SERPINB13: variants seen among roughly 807,000 people sequenced by gnomAD.
The protein encoded by SERPINB13 is serpin B13.
Under a neutral mutation model 31.2 loss-of-function variants are expected in SERPINB13, and 26 were observed. The observed-to-expected ratio is 0.83, with a 90% CI of 0.61 to 1.15. The LOEUF (loss-of-function observed/expected upper bound fraction) is 1.15, where lower values mean the gene tolerates loss of function less well. SERPINB13 is among the 50% of genes most tolerant of loss of function. The pLI is 0.00. For missense variants in SERPINB13, 510 were observed against 469.4 expected, an observed-to-expected ratio of 1.09 and a Z score of -0.80; for synonymous variants, 191 against 172.4, an observed-to-expected ratio of 1.11 and a Z score of -0.85.
chr18:63,594,115 G>T, intron 5 of SERPINB13: 1 of 1,415,534 alleles, frequency 7.1e-7, no homozygotes. Flanking sequence ...AGAGGCATCT[G>T]ACCCCAGAGT....
intron 7 of SERPINB13, among the ~76,000 whole-genome samples, chr18:63,595,506 A>G (rs546059997): frequency 6.6e-6 from 1 of 152,320 alleles, no homozygotes; most frequent in East Asian, 1.9e-4. Context: ...GCATATATAC[A>G]ACCAGTTCTG....
In SERPINB13 at chr18:63,597,132, C is replaced by A; in HGVS notation, c.945C>A (p.Asp315Glu). The change falls in exon 8 of 8, where the codon GAC (aspartate) becomes GAA (glutamate). Residue 315 changes from aspartate (D) to glutamate (E), a missense_variant. By Grantham distance (45) the Asp-to-Glu change is conservative. Coordinates refer to ENST00000344731, the MANE Select transcript of SERPINB13 (RefSeq NM_012397.4). ...ATGCCTTCAGTGAGCACAAAGCCGA[C>A]TACTCGGGAATGTCGTCAGGCTCCG... Reference protein sequence around the residue: ...MGDAFSEHKADYSGMSSGSGL... With the variant: ...MGDAFSEHKAEYSGMSSGSGL... The A allele has an allele frequency of 6.2e-7, 1 of 1,614,184 alleles. No homozygotes were observed. The highest frequency in any genetic ancestry group is 1.7e-5 in the Admixed American group (1 of 60,022).
chr18:63,596,089 GT>G (rs1408673186), intron 7 of SERPINB13, among the ~76,000 whole-genome samples: 2 of 152,058 alleles, frequency 1.3e-5, no homozygotes, highest in Non-Finnish European at 2.9e-5. Flanking sequence ...GGGCTCCATG[GT>G]GGTTAACGTG....
At position 63,599,010 on chromosome 18, in the gene SERPINB13, GC is replaced by G. The variant is rs886616368; in HGVS notation, c.*1648del. The G allele has an allele frequency of 6.6e-6, 1 of 152,092 alleles. No homozygotes were observed. The highest frequency in any genetic ancestry group is 2.4e-5 in the African/African-American group (1 of 41,436). The allele number at this position is 152,092 out of a possible 1,614,324, so 9.4% of individuals were successfully genotyped here. A position where few individuals can be genotyped will look rare whatever the true frequency, so the allele number is the denominator to read the frequency against. Reference sequence around the variant, plus strand: ...TTTCCATAATATCTAATTAGGTTGAGCTTTTTTTATGTGCTTATTGGCCATT... The same window carrying G: ...TTTCCATAATATCTAATTAGGTTGAGTTTTTTTATGTGCTTATTGGCCATT... On this transcript the variant is annotated 3_prime_UTR_variant, in exon 8 of 8. Coordinates refer to ENST00000344731, the MANE Select transcript of SERPINB13 (RefSeq NM_012397.4).
chr18:63,592,230 G>A (rs1911894688), intron 3 of SERPINB13, 118 bp from the exon 4 acceptor site: 1 of 1,120,018 alleles, frequency 8.9e-7, no homozygotes, highest in African/African-American at 1.6e-5. Flanking sequence ...TCAAACACAG[G>A]GATCACCCTT....
At chr18:63,592,256 A>G in intron 3 of SERPINB13, 92 bp from the exon 4 acceptor site, 1 of 1,420,280 alleles carries the variant, frequency 7.0e-7, no homozygotes, top group African/African-American at 1.4e-5. Flanking sequence ...TGACAAACGG[A>G]GGGAGAGACC....
At chr18:63,594,646 C>T in intron 6 of SERPINB13, 149 bp downstream of exon 6, 2 of 831,292 alleles carry the variant, frequency 2.4e-6, no homozygotes, top group Admixed American at 2.7e-5. Flanking sequence ...CGAGACTATC[C>T]TTGCCAACAT....
At chr18:63,588,973 C>G (rs751106217) in intron 2 of SERPINB13, 141 bp downstream of exon 2, 1 of 921,676 alleles carries the variant, frequency 1.1e-6, no homozygotes, top group Non-Finnish European at 1.6e-6. Context: ...AGACAAGGAG[C>G]AATTTCAGGT....
intron 3 of SERPINB13, among the ~76,000 whole-genome samples, chr18:63,591,366 G>A (rs1911839889): frequency 6.7e-6 from 1 of 149,084 alleles, no homozygotes; most frequent in African/African-American, 2.5e-5. Flanking sequence ...GATGGGGCCG[G>A]CCTTCCTTCC....
intron 3 of SERPINB13, among the ~76,000 whole-genome samples, chr18:63,590,627 T>C (rs1284891413): frequency 1.3e-5 from 2 of 152,242 alleles, no homozygotes; most frequent in East Asian, 1.9e-4. Flanking sequence ...TCAGCCATGA[T>C]AGCCCATGTA....
intron 5 of SERPINB13, among the ~76,000 whole-genome samples, chr18:63,593,242 C>T (rs187727255): frequency 6.6e-6 from 1 of 152,206 alleles, no homozygotes; most frequent in Admixed American, 6.5e-5. Context: ...GAGGGGACTG[C>T]ATGAAGCCAA....
chr18:63,597,606 C>A lies in SERPINB13; in HGVS notation c.*243C>A. The A allele has an allele frequency of 2.3e-6, 1 of 427,288 alleles. No individual in the cohort carries two copies. 26.5% of individuals were successfully genotyped at this position (427,288 alleles called of 1,614,324 possible). ...AAACCAAACCTCATTGATAATCTCC[C>A]TTTGGTTTCCTTTGAAAGTAAATTG... On this transcript the variant is annotated 3_prime_UTR_variant, in exon 8 of 8. Coordinates refer to ENST00000344731, the MANE Select transcript of SERPINB13 (RefSeq NM_012397.4).
In SERPINB13 at chr18:63,587,378, G is replaced by A. The variant is rs1911573577; in HGVS notation, c.-90G>A. 6.4e-6 allele frequency: 3 copies of A among 469,650 alleles called. No individual in the cohort carries two copies. The highest frequency in any genetic ancestry group is 4.7e-5 in the South Asian group (3 of 64,406). 29.1% of individuals were successfully genotyped at this position (469,650 alleles called of 1,614,324 possible). A position where few individuals can be genotyped will look rare whatever the true frequency, so the allele number is the denominator to read the frequency against. ...CAGATGTGGAGAACTATAAATTAAG[G>A]ATCCCAGCTACTTAATTGACTTATG... On this transcript the variant is annotated 5_prime_UTR_variant, in exon 1 of 8. Coordinates refer to ENST00000344731, the MANE Select transcript of SERPINB13 (RefSeq NM_012397.4).
At chr18:63,591,427 C>T (rs1325387927) in intron 3 of SERPINB13, among the ~76,000 whole-genome samples, 1 of 150,566 alleles carries the variant, frequency 6.6e-6, no homozygotes, top group African/African-American at 2.4e-5. Context: ...TTCCTTCCTT[C>T]CTTCCCTCCT....
chr18:63,588,744 A>T lies in SERPINB13; in HGVS notation c.77A>T (p.Asn26Ile). ...FKELKKTNDG[N>I]IFFSPVGILT... ...GAGCTGAAGAAAACAAATGATGGCA[A>T]CATCTTCTTTTCCCCTGTGGGCATC... The change falls in exon 2 of 8, where the codon AAC (asparagine) becomes ATC (isoleucine). Residue 26 changes from asparagine to isoleucine, a missense_variant. Transcript: ENST00000344731. 6.2e-7 allele frequency: 1 copy of T among 1,614,198 alleles called. No homozygotes were observed. Among genetic ancestry groups the T allele is most frequent in the Non-Finnish European group, 8.5e-7 (1 of 1,180,016 alleles).
At chr18:63,589,376 A>G (rs994420933) in intron 2 of SERPINB13, among the ~76,000 whole-genome samples, 4 of 151,844 alleles carry the variant, frequency 2.6e-5, no homozygotes, top group Non-Finnish European at 5.9e-5. Context: ...GAATCGCTTG[A>G]ATCCAGGAAC....
At position 63,592,257 on chromosome 18, in the gene SERPINB13, G is replaced by A; in HGVS notation, c.226-91G>A. On this transcript the variant is annotated intron_variant, in intron 3 of 7. Transcript: ENST00000344731. ...ATCACCCTTGAGGCTGACAAACGGA[G>A]GGAGAGACCCAGCAGCCGCATCCTC... 5 of 1,433,756 alleles carry A rather than the reference G, an allele frequency of 3.5e-6. No individual in the cohort carries two copies. The South Asian group carries it at 5.6e-5, about 16-fold the overall frequency. 88.8% of individuals were successfully genotyped at this position (1,433,756 alleles called of 1,614,324 possible).
intron 7 of SERPINB13, among the ~76,000 whole-genome samples, chr18:63,595,969 A>G (rs905535268): frequency 1.3e-5 from 2 of 152,080 alleles, no homozygotes; most frequent in Non-Finnish European, 2.9e-5. Context: ...AGTGTCCTGT[A>G]TTTTGAAAAT....
In SERPINB13 at chr18:63,597,173, A is replaced by G; in HGVS notation, c.986A>G (p.Lys329Arg). The change falls in exon 8 of 8, where the codon AAG (lysine) becomes AGG (arginine). Residue 329 changes from lysine to arginine, a missense_variant. Coordinates refer to ENST00000344731, the MANE Select transcript of SERPINB13 (RefSeq NM_012397.4). ...MSSGSGLYAQKFLHSSFVAVT... is the reference protein window; with the variant it reads ...MSSGSGLYAQRFLHSSFVAVT... ...TCAGGCTCCGGGTTGTACGCCCAGA[A>G]GTTCCTGCACAGTTCCTTTGTGGCA... is the stretch of plus-strand genomic sequence containing the variant. 6.2e-7 allele frequency: 1 copy of G among 1,614,212 alleles called. No homozygotes were observed. Among genetic ancestry groups the G allele is most frequent in the Middle Eastern group, 1.6e-4 (1 of 6,062 alleles).
Sources: allele counts gnomAD v4.1 joint callset (sites outside exome capture counted in the v4.1 genomes callset), GRCh38; gene constraint gnomAD v4.1.1; transcripts MANE v1.5; gene names NCBI Gene and HGNC (gene_info 2026-07-23, HGNC 2026-07-21).